DAB1: variants seen among roughly 807,000 people sequenced by gnomAD.
DAB1 encodes DAB adaptor protein 1, also known as disabled homolog 1.
Under a neutral mutation model 64.6 loss-of-function variants are expected in DAB1, and 15 were observed. The ratio of observed to expected loss-of-function variants is 0.23; its 90% CI spans 0.16 to 0.36. The LOEUF (loss-of-function observed/expected upper bound fraction) is 0.36, where lower values mean the gene tolerates loss of function less well. Among genes scored for constraint, DAB1 ranks in the 10% least tolerant of loss-of-function variants. The pLI is 1.00. For synonymous variants in DAB1, 235 were observed against 251.9 expected (o/e 0.93, Z 0.64); for missense variants, 596 against 706.7 (o/e 0.84, Z 1.78).
At chr1:58,518,215 AGG>A (rs1308239299) in intron 2 of DAB1, among the ~76,000 whole-genome samples, 15 of 1,930 alleles carry the variant, frequency 7.8e-3, no homozygotes, top group Non-Finnish European at 0.015. Context: ...GAGAGGGGAG[AGG>A]GGAGAGGGGA....
At chr1:57,724,671 C>T (rs1325466599) in intron 6 of DAB1, among the ~76,000 whole-genome samples, 1 of 151,752 alleles carries the variant, frequency 6.6e-6, no homozygotes, top group Non-Finnish European at 1.5e-5. Context: ...CCTATTCTTT[C>T]TCTTTGTCTG....
chr1:58,257,844 G>T (rs956087344), intron 4 of DAB1, among the ~76,000 whole-genome samples: 8 of 152,120 alleles, frequency 5.3e-5, no homozygotes, highest in Non-Finnish European at 1.0e-4. Context: ...GCCCCAAAAG[G>T]TTACGTGCAT....
At chr1:58,092,953 C>G (rs1323342158) in intron 5 of DAB1, among the ~76,000 whole-genome samples, 1 of 152,174 alleles carries the variant, frequency 6.6e-6, no homozygotes, top group Non-Finnish European at 1.5e-5. Context: ...TTGCATAATA[C>G]AAATACAATT....
At chr1:57,828,227 G>C (rs568249300) in intron 1 of DAB1, among the ~76,000 whole-genome samples, 2 of 152,110 alleles carry the variant, frequency 1.3e-5, no homozygotes, top group African/African-American at 4.8e-5. Context: ...TTACAGGCGT[G>C]AGCCACCATG....
intron 5 of DAB1, among the ~76,000 whole-genome samples, chr1:58,009,206 A>G (rs1356673815): frequency 2.6e-5 from 4 of 152,188 alleles, no homozygotes; most frequent in Admixed American, 2.6e-4. Context: ...AATTTGACCA[A>G]GTCCAGGATC....
intron 7 of DAB1, among the ~76,000 whole-genome samples, chr1:57,478,010 G>A (rs575173348): frequency 6.3e-4 from 95 of 151,700 alleles, no homozygotes; most frequent in African/African-American, 2.1e-3. Flanking sequence ...CCATTAACTC[G>A]TCATTTACAT....
intron 5 of DAB1, among the ~76,000 whole-genome samples, chr1:57,918,193 G>A (rs918788170): frequency 6.6e-6 from 1 of 151,738 alleles, no homozygotes; most frequent in African/African-American, 2.4e-5. Context: ...ACAAAAAAAA[G>A]AAGCCATAGA....
At chr1:57,689,473 A>C (rs2101710685) in intron 6 of DAB1, among the ~76,000 whole-genome samples, 1 of 152,306 alleles carries the variant, frequency 6.6e-6, no homozygotes, top group African/African-American at 2.4e-5. Context: ...TTCCATTTAA[A>C]CTTGATGCTG....
rs115601974 is a variant in DAB1 at position 57,699,267 on chromosome 1, T to A, written n.552-49602A>T. Among the ~76,000 whole-genome samples the A allele has an allele frequency of 2.4e-3, 368 of 152,298 alleles. 1 individual carries two copies. Among genetic ancestry groups the A allele is most frequent in the Non-Finnish European group, 4.0e-3 (274 of 68,022 alleles). The stretch of plus-strand genomic sequence containing the variant: ...TATATATAATAGTAACTTTTTAACA[T>A]GCAACTTACTAACATTTCACATCTT... On this transcript the variant is annotated intron_variant and non_coding_transcript_variant, in intron 6 of 20. Coordinates refer to the DAB1 transcript ENST00000485760.
At chr1:57,795,354 C>T (rs554222495) in intron 6 of DAB1, among the ~76,000 whole-genome samples, 1 of 152,076 alleles carries the variant, frequency 6.6e-6, no homozygotes, top group African/African-American at 2.4e-5. Flanking sequence ...TACCTATTTA[C>T]ACCATAGGGA....
At chr1:58,166,393 G>T (rs933662157) in intron 4 of DAB1, among the ~76,000 whole-genome samples, 1 of 152,040 alleles carries the variant, frequency 6.6e-6, no homozygotes, top group Non-Finnish European at 1.5e-5. Context: ...CCAGATATTT[G>T]TTACAAATAG....
chr1:57,106,756 C>T (rs1347090854), intron 4 of DAB1, among the ~76,000 whole-genome samples: 11 of 152,232 alleles, frequency 7.2e-5, no homozygotes, highest in South Asian at 2.1e-4. Flanking sequence ...CTTCATGTCC[C>T]CGGCCCTTTC....
At chr1:57,059,423 A>T (rs1448627770) in intron 9 of DAB1, among the ~76,000 whole-genome samples, 1 of 152,146 alleles carries the variant, frequency 6.6e-6, no homozygotes, top group African/African-American at 2.4e-5. Context: ...CTTATGGGAA[A>T]TTTGTGGAAG....
chr1:57,457,658 G>A (rs1686646711), intron 7 of DAB1, among the ~76,000 whole-genome samples: 1 of 152,116 alleles, frequency 6.6e-6, no homozygotes, highest in African/African-American at 2.4e-5. Context: ...TAAAATGAAA[G>A]TCTGCATTGG....
chr1:58,233,517 T>C (rs542742998), intron 4 of DAB1, among the ~76,000 whole-genome samples: 21 of 152,326 alleles, frequency 1.4e-4, no homozygotes, highest in African/African-American at 5.1e-4. Flanking sequence ...TGGTGAGGAC[T>C]GCTGCTGTTA....
intron 4 of DAB1, among the ~76,000 whole-genome samples, chr1:58,218,636 T>C (rs1351378995): frequency 6.6e-6 from 1 of 152,152 alleles, no homozygotes; most frequent in Non-Finnish European, 1.5e-5. Flanking sequence ...GATTGAAACC[T>C]GGGCTGGTAC....
chr1:58,465,268 A>T (rs976994896), intron 3 of DAB1, among the ~76,000 whole-genome samples: 3 of 152,170 alleles, frequency 2.0e-5, no homozygotes, highest in Non-Finnish European at 4.4e-5. Flanking sequence ...CACAAGGTGG[A>T]CTGCAGTCCC....
intron 2 of DAB1, among the ~76,000 whole-genome samples, chr1:57,181,276 C>T (rs976644256): frequency 6.6e-6 from 1 of 152,164 alleles, no homozygotes; most frequent in Non-Finnish European, 1.5e-5. Flanking sequence ...GAAAGGCTTG[C>T]TGTAAAAATG....
In DAB1 at chr1:57,628,615, T is replaced by TG. The variant is rs1478352949; in HGVS notation, n.625+20976_625+20977insC. Among the ~76,000 whole-genome samples, 4 of 7,790 alleles carry TG rather than the reference T, an allele frequency of 5.1e-4. No homozygotes were observed. The Non-Finnish European group carries it at 0.015, about 29-fold the overall frequency. 5.1% of individuals were successfully genotyped at this position (7,790 alleles called of 152,430 possible). A position where few individuals can be genotyped will look rare whatever the true frequency, so the allele number is the denominator to read the frequency against. On this transcript the variant is annotated intron_variant and non_coding_transcript_variant, in intron 7 of 20. Coordinates refer to the DAB1 transcript ENST00000485760. ...GACAATTAAAAACTTATAAAATATC[T>TG]AACCTCTTTGGTCATATACGACCCT...
Sources: allele counts gnomAD v4.1 joint callset (sites outside exome capture counted in the v4.1 genomes callset), GRCh38; gene constraint gnomAD v4.1.1; transcripts MANE v1.5; gene names NCBI Gene and HGNC (gene_info 2026-07-23, HGNC 2026-07-21).